The following AMELX variants were observed in gnomAD, a reference collection of about 807,000 sequenced individuals.
The protein encoded by AMELX is amelogenin, X isoform.
A neutral mutation model predicts 15.8 loss-of-function variants in AMELX; 9 were observed. That is an observed-to-expected ratio of 0.57 (90% CI 0.34 to 0.99). AMELX has a LOEUF of 0.99. Ranked by LOEUF, AMELX falls within the 50% of genes least tolerant of loss-of-function variation. AMELX has a pLI of 0.02. For missense variants in AMELX, 107 were observed against 156.2 expected (o/e 0.68, Z 1.68); for synonymous variants, 61 against 58.8 (o/e 1.04, Z -0.17).
chrX:11,300,621 A>G lies in AMELX; in HGVS notation c.*9A>G. 1 of 1,196,987 alleles carries G rather than the reference A, an allele frequency of 8.4e-7. No homozygotes were observed. The highest frequency in any genetic ancestry group is 1.7e-5 in the African/African-American group (1 of 57,613). The stretch of plus-strand genomic sequence containing the variant: ...ATTTTTTTCAGGATTAAAAGATCAG[A>G]AGATGAGAGGGGAATGAATACTTCA... On this transcript the variant is annotated 3_prime_UTR_variant, in exon 6 of 6. Coordinates refer to ENST00000380714, the MANE Select transcript of AMELX (RefSeq NM_001142.2).
downstream of AMELX, among the ~76,000 whole-genome samples, chrX:11,305,522 G>C (rs2048229380): frequency 8.9e-6 from 1 of 112,242 alleles, no homozygotes; most frequent in South Asian, 3.7e-4. Flanking sequence ...GTTCCTGCTT[G>C]TTTGACCTTC....
downstream of AMELX, among the ~76,000 whole-genome samples, chrX:11,301,677 A>G (rs1440049471): frequency 8.9e-6 from 1 of 112,118 alleles, no homozygotes; most frequent in African/African-American, 3.2e-5. Context: ...ATTGGCATGG[A>G]CCAATTCTAA....
Position 11,298,923 on chromosome X carries a change from C to T in AMELX, c.520C>T (p.Leu174=). The part of the protein sequence containing the change: ...MQPLPPMLPD[L]TLEAWPSTDK... ...GCCCCTGCCTCCCATGCTTCCTGAT[C>T]TGACTCTGGAAGCTTGGCCATCAAC... Residue 174 remains leucine (L), a synonymous_variant, in exon 5 of 6, where the codon CTG becomes TTG. Transcript: ENST00000380714. 1.7e-6 allele frequency: 2 copies of T among 1,211,248 alleles called. No homozygotes were observed. Among genetic ancestry groups the T allele is most frequent in the Non-Finnish European group, 2.2e-6 (2 of 895,395 alleles).
chrX:11,297,045 C>A (rs2048097831), intron 3 of AMELX, among the ~76,000 whole-genome samples: 1 of 111,574 alleles, frequency 9.0e-6, no homozygotes, highest in African/African-American at 3.3e-5. Context: ...AGTCTGTCCT[C>A]CTAAATATGG....
chrX:11,303,448 C>T (rs1277127295), downstream of AMELX, among the ~76,000 whole-genome samples: 2 of 111,745 alleles, frequency 1.8e-5, no homozygotes, highest in African/African-American at 3.3e-5. Flanking sequence ...AAGGAGTGGT[C>T]ATTTGGGTTC....
At chrX:11,297,001 G>A (rs761389595) in intron 3 of AMELX, among the ~76,000 whole-genome samples, 175 bp downstream of exon 3, 10 of 111,164 alleles carry the variant, frequency 9.0e-5, no homozygotes, top group East Asian at 2.8e-4. Flanking sequence ...AGCCTGTGTC[G>A]TCCCAGCAGC....
At chrX:11,309,092 CCTT>C in the AMELX span, among the ~76,000 whole-genome samples, 3 of 111,767 alleles carry the variant, frequency 2.7e-5, no homozygotes, top group Non-Finnish European at 5.6e-5. Context: ...TTACTTCCCT[CCTT>C]CTTTCCTACT....
chrX:11,308,025 T>G, the AMELX span, among the ~76,000 whole-genome samples: 4 of 112,587 alleles, frequency 3.6e-5, no homozygotes, highest in Admixed American at 9.4e-5. Flanking sequence ...TCGTATATAT[T>G]TTAATTACTT....
intron 3 of AMELX, among the ~76,000 whole-genome samples, chrX:11,297,445 A>C (rs182609965): frequency 1.3e-4 from 15 of 112,275 alleles, no homozygotes; most frequent in Non-Finnish European, 5.6e-5. Context: ...CATATTTCAA[A>C]ATATTGTTTG....
downstream of AMELX, among the ~76,000 whole-genome samples, chrX:11,305,712 GAAT>G (rs2048231025): frequency 8.9e-6 from 1 of 111,949 alleles, no homozygotes; most frequent in Admixed American, 9.5e-5. Flanking sequence ...GGATCTGGCA[GAAT>G]AATGAGAAAT....
rs104894733 is a variant in AMELX, at chrX:11,298,243, C to A, written c.110C>A (p.Thr37Asn). The A allele has an allele frequency of 2.5e-6, 3 of 1,209,594 alleles. No homozygotes were observed. The highest frequency in any genetic ancestry group is 1.8e-5 in the African/African-American group (1 of 57,046). The stretch of plus-strand genomic sequence containing the variant: ...ATATCTTTTTCTCTTAAGGTGCTTA[C>A]CCCTTTGAAGTGGTACCAGAGCATA... Reference protein sequence around the residue: ...GYINFSYEVLTPLKWYQSIRP... With the variant: ...GYINFSYEVLNPLKWYQSIRP... The change falls in exon 4 of 6, where the codon ACC becomes AAC. Residue 37 changes from threonine (T) to asparagine (N), a missense_variant. By Grantham distance (65) the Thr-to-Asn change is moderately conservative (BLOSUM62 0). Coordinates refer to ENST00000380714, the MANE Select transcript of AMELX (RefSeq NM_001142.2).
the AMELX span, among the ~76,000 whole-genome samples, chrX:11,306,872 C>T: frequency 8.9e-6 from 1 of 111,925 alleles, no homozygotes; most frequent in Admixed American, 9.4e-5. Flanking sequence ...TCATTAAATG[C>T]TCTGTAGTTG....
In AMELX at chrX:11,299,634, A is replaced by G. The variant is rs140683312; in HGVS notation, c.570+661A>G. 3.7e-3 allele frequency among the ~76,000 whole-genome samples: 420 copies of G among 112,494 alleles called. 2 individuals carry two copies. The highest frequency in any genetic ancestry group is 0.013 in the African/African-American group (396 of 31,005). On this transcript the variant is annotated intron_variant, in intron 5 of 5. Transcript: ENST00000380714. Reference sequence around the variant, plus strand: ...CTCTTACAAATGAATGGGAATAGTCAACAAAACAAACTTAATCTACATCCA... The same window carrying G: ...CTCTTACAAATGAATGGGAATAGTCGACAAAACAAACTTAATCTACATCCA...
chrX:11,307,977 T>C, the AMELX span, among the ~76,000 whole-genome samples: 3 of 112,861 alleles, frequency 2.7e-5, no homozygotes, highest in South Asian at 1.1e-3. Flanking sequence ...CAGCAAATTT[T>C]CTTCAAAAGC....
At chrX:11,293,616 G>A (rs1253266738) in intron 1 of AMELX, 148 bp downstream of exon 1, 2 of 111,427 alleles carry the variant, frequency 1.8e-5, no homozygotes, top group Non-Finnish European at 3.8e-5. Flanking sequence ...AATTAAATTA[G>A]ACTCTGATTA....
the AMELX span, among the ~76,000 whole-genome samples, chrX:11,306,481 C>T: frequency 8.9e-6 from 1 of 112,472 alleles, no homozygotes; most frequent in Non-Finnish European, 1.9e-5. Flanking sequence ...TGAACATTTA[C>T]TGGGCTTATT....
At chrX:11,294,018 T>A (rs1369849014) in intron 1 of AMELX, among the ~76,000 whole-genome samples, 1 of 112,809 alleles carries the variant, frequency 8.9e-6, no homozygotes. Flanking sequence ...GGACCTGTTT[T>A]GCTTAATGTC....
chrX:11,307,335 G>T, the AMELX span, among the ~76,000 whole-genome samples: 1 of 110,596 alleles, frequency 9.0e-6, no homozygotes, highest in Non-Finnish European at 1.9e-5. Context: ...TAATTGGCTT[G>T]CATACTCTCT....
downstream of AMELX, among the ~76,000 whole-genome samples, chrX:11,302,876 T>C (rs2048189159): frequency 9.0e-6 from 1 of 111,527 alleles, no homozygotes; most frequent in Non-Finnish European, 1.9e-5. Context: ...ATGTCAAGTT[T>C]ACCATCCCCT....
Sources: gnomAD v4.1 joint callset for allele counts (sites outside exome capture counted in the v4.1 genomes callset) on GRCh38, gnomAD v4.1.1 for gene constraint, MANE v1.5 for transcripts, NCBI Gene and HGNC (gene_info 2026-07-23, HGNC 2026-07-21) for gene names.